The following CALD1 variants were observed in gnomAD, a reference collection of about 807,000 sequenced individuals.
CALD1 encodes caldesmon.
CALD1 carries 33 observed loss-of-function variants against 99.9 expected under a neutral mutation model. The observed-to-expected ratio is 0.33, with a 90% CI of 0.25 to 0.44. The LOEUF is 0.44. Ranked by LOEUF, CALD1 falls within the 20% of genes least tolerant of loss-of-function variation. The probability of loss-of-function intolerance (pLI) is 1.00; values close to 1 mark genes in which losing one functional copy is unlikely to be tolerated. For synonymous variants in CALD1, 310 were observed against 325.0 expected, an observed-to-expected ratio of 0.95 and a Z score of 0.50; for missense variants, 861 against 962.1, an observed-to-expected ratio of 0.89 and a Z score of 1.39.
intron 1 of CALD1, among the ~76,000 whole-genome samples, chr7:134,792,954 C>T (rs530919562): frequency 6.6e-6 from 1 of 152,352 alleles, no homozygotes; most frequent in African/African-American, 2.4e-5. Flanking sequence ...ATATGAAATT[C>T]TGATCCCATT....
chr7:134,838,760 G>A lies in CALD1; in HGVS notation c.-129-5124G>A, dbSNP rs1799539116. ...TATTATCTTATTGTTTTCTCTCACTGTTTGTCTTTCTTTTTATTATTTTAT... is the reference window on the plus strand; with the variant it reads ...TATTATCTTATTGTTTTCTCTCACTATTTGTCTTTCTTTTTATTATTTTAT... On this transcript the variant is annotated intron_variant, in intron 1 of 14. Transcript: ENST00000361675. Among the ~76,000 whole-genome samples the A allele has an allele frequency of 6.6e-5, 10 of 152,136 alleles. 2 individuals are homozygous for A. The South Asian group carries it at 2.1e-3, about 32-fold the overall frequency.
rs575744849 is a variant in CALD1, at chr7:134,892,561, A to T, written c.71+24757A>T. On this transcript the variant is annotated intron_variant, in intron 3 of 14. Coordinates refer to ENST00000361675, the MANE Select transcript of CALD1 (RefSeq NM_033138.4). ...TCCAGCGTTTGTGCAACAGTTAATC[A>T]AATAAACAGAGAAACTCATCAGGGT... Among the ~76,000 whole-genome samples the T allele has an allele frequency of 8.7e-4, 132 of 152,324 alleles. 1 individual carries two copies. Among genetic ancestry groups the T allele is most frequent in the African/African-American group, 2.9e-3 (119 of 41,574 alleles).
intron 4 of CALD1, among the ~76,000 whole-genome samples, chr7:134,929,625 T>TACACACACAC (rs1231576514): frequency 7.2e-4 from 3 of 4,148 alleles, no homozygotes; most frequent in Non-Finnish European, 1.6e-3. Context: ...TATATACGTG[T>TACACACACAC]GTGTGTGTGT....
intron 1 of CALD1, among the ~76,000 whole-genome samples, chr7:134,767,197 G>GTCTC (rs1172030207): frequency 2.4e-5 from 1 of 41,172 alleles, no homozygotes; most frequent in Non-Finnish European, 8.8e-5. Context: ...CTCTGTCTCT[G>GTCTC]TGTGTGTGTG....
intron 1 of CALD1, among the ~76,000 whole-genome samples, chr7:134,761,781 A>T (rs1400637676): frequency 6.6e-6 from 1 of 152,236 alleles, no homozygotes; most frequent in African/African-American, 2.4e-5. Flanking sequence ...GGGGATATAG[A>T]AAAGAAAAGT....
chr7:134,863,195 G>C (rs891686937), intron 2 of CALD1, among the ~76,000 whole-genome samples: 1 of 152,086 alleles, frequency 6.6e-6, no homozygotes, highest in Non-Finnish European at 1.5e-5. Flanking sequence ...GGGGAGGGGG[G>C]AATATATGGA....
intron 1 of CALD1, 117 bp downstream of exon 1, chr7:134,779,866 A>C: frequency 2.5e-6 from 1 of 394,190 alleles, no homozygotes; most frequent in East Asian, 3.6e-5. Flanking sequence ...TCAAGGCAAT[A>C]AACCATGCAA....
chr7:134,743,567 T>G (rs1480903081), upstream of CALD1, among the ~76,000 whole-genome samples: 1 of 152,224 alleles, frequency 6.6e-6, no homozygotes, highest in Non-Finnish European at 1.5e-5. Context: ...GTCGAACATC[T>G]CTTTCAAAGT....
rs1290276701 is a variant in CALD1 at position 134,960,107 on chromosome 7, A to G, written c.2195A>G (p.Asn732Ser). 6.2e-7 allele frequency: 1 copy of G among 1,614,146 alleles called. No homozygotes were observed. Among genetic ancestry groups the G allele is most frequent in the East Asian group, 2.2e-5 (1 of 44,886 alleles). Reference sequence around the variant, plus strand: ...TCCCCCACTGCAGCAGGCACACCAAATAAGGTGAGCATCTGATTTTTGTCT... The same window carrying G: ...TCCCCCACTGCAGCAGGCACACCAAGTAAGGTGAGCATCTGATTTTTGTCT... ...FSSPTAAGTP[N>S]KETAGLKVGV... Residue 732 changes from asparagine to serine, a missense_variant, in exon 12 of 15, where the codon AAT becomes AGT. Asn to Ser is a conservative substitution (Grantham distance 46). Around this residue, in one of 5 missense-constraint regions of CALD1, gnomAD observed 190 missense variants for 249.0 expected, o/e 0.76. Coordinates refer to ENST00000361675, the MANE Select transcript of CALD1 (RefSeq NM_033138.4).
intron 6 of CALD1, among the ~76,000 whole-genome samples, chr7:134,939,384 T>C (rs1461175490): frequency 1.3e-5 from 2 of 152,214 alleles, no homozygotes; most frequent in African/African-American, 4.8e-5. Flanking sequence ...TCAAGTGATT[T>C]GTCCAAGTAA....
chr7:134,924,897 T>C (rs1797814529), intron 3 of CALD1, among the ~76,000 whole-genome samples: 1 of 152,052 alleles, frequency 6.6e-6, no homozygotes, highest in Non-Finnish European at 1.5e-5. Context: ...AAGGGGGGGC[T>C]CTTCCTCCTT....
chr7:134,924,194 A>G (rs957212287), intron 3 of CALD1, among the ~76,000 whole-genome samples: 3 of 152,232 alleles, frequency 2.0e-5, no homozygotes, highest in Non-Finnish European at 4.4e-5. Context: ...ATGTCTGTGC[A>G]TGCACAGGAA....
At chr7:134,861,816 G>A (rs17168108) in intron 2 of CALD1, among the ~76,000 whole-genome samples, 14,864 of 152,230 alleles carry the variant, frequency 0.098, 812 homozygotes, top group South Asian at 0.19. Flanking sequence ...ATGGTTTTGA[G>A]TGTTCCAAGA....
intron 3 of CALD1, among the ~76,000 whole-genome samples, chr7:134,874,210 T>C (rs762960169): frequency 6.6e-6 from 1 of 152,196 alleles, no homozygotes; most frequent in Non-Finnish European, 1.5e-5. Flanking sequence ...TTTGTTTTTT[T>C]GAGAAGGAGT....
intron 13 of CALD1, chr7:134,962,235 C>G (rs937621450): frequency 1.3e-5 from 2 of 152,006 alleles, no homozygotes; most frequent in East Asian, 3.9e-4. Flanking sequence ...TTACCATCAT[C>G]TGTATGACAT....
At chr7:134,847,337 A>C (rs1188554994) in intron 2 of CALD1, among the ~76,000 whole-genome samples, 1 of 152,156 alleles carries the variant, frequency 6.6e-6, no homozygotes, top group South Asian at 2.1e-4. Context: ...TTTTTATAGT[A>C]GGATCTGAAG....
At chr7:134,906,612 T>C (rs986960917) in intron 3 of CALD1, among the ~76,000 whole-genome samples, 1 of 152,278 alleles carries the variant, frequency 6.6e-6, no homozygotes, top group African/African-American at 2.4e-5. Flanking sequence ...CATTCTTCTT[T>C]ATTTAAAACT....
intron 13 of CALD1, among the ~76,000 whole-genome samples, chr7:134,964,854 G>T (rs1215193119): frequency 6.6e-6 from 1 of 152,140 alleles, no homozygotes; most frequent in Non-Finnish European, 1.5e-5. Flanking sequence ...CCTTAGGAAA[G>T]GGCAAGGACC....
the CALD1 span, among the ~76,000 whole-genome samples, chr7:134,719,189 A>G: frequency 2.0e-5 from 3 of 152,312 alleles, no homozygotes; most frequent in Admixed American, 1.3e-4. Context: ...CAAATTATGA[A>G]GGTCACTGGG....
Sources: gnomAD v4.1 joint callset for allele counts (sites outside exome capture counted in the v4.1 genomes callset) on GRCh38, gnomAD v4.1.1 for gene constraint, gnomAD v4.1.1 regional missense constraint, MANE v1.5 for transcripts, NCBI Gene and HGNC (gene_info 2026-07-23, HGNC 2026-07-21) for gene names.